Variants in COL21A1 observed in about 807,000 individuals in gnomAD.
The protein encoded by COL21A1 is collagen alpha-1(XXI) chain.
Under a neutral mutation model 137.9 loss-of-function variants are expected in COL21A1, and 149 were observed. The observed-to-expected ratio is 1.08, with a 90% CI of 0.95 to 1.24. The LOEUF is 1.24. Among genes scored for constraint, COL21A1 ranks in the 50% most tolerant of loss-of-function variants. COL21A1 has a pLI of 0.00. For missense variants in COL21A1, 1,167 were observed against 1,158.4 expected (o/e 1.01, Z -0.11); for synonymous variants, 456 against 391.5 (o/e 1.16, Z -1.95).
At chr6:56,172,641 A>G (rs1336817507) in intron 3 of COL21A1, among the ~76,000 whole-genome samples, 1 of 152,186 alleles carries the variant, frequency 6.6e-6, no homozygotes, top group Non-Finnish European at 1.5e-5. Context: ...ATATTATAAT[A>G]CTGTAACAGT....
At chr6:56,262,411 T>G (rs1332959865) in intron 1 of COL21A1, among the ~76,000 whole-genome samples, 1 of 152,094 alleles carries the variant, frequency 6.6e-6, no homozygotes, top group East Asian at 1.9e-4. Context: ...AATAAGCCAA[T>G]GACATGGTAT....
intron 10 of COL21A1, among the ~76,000 whole-genome samples, chr6:56,142,488 T>C (rs995355125): frequency 6.6e-6 from 1 of 152,200 alleles, no homozygotes; most frequent in Non-Finnish European, 1.5e-5. Flanking sequence ...GGTTATGACA[T>C]ATCCTCCATG....
At chr6:56,339,879 C>A (rs954400664) in intron 1 of COL21A1, among the ~76,000 whole-genome samples, 2 of 151,964 alleles carry the variant, frequency 1.3e-5, no homozygotes, top group Admixed American at 6.6e-5. Flanking sequence ...GGGAGAATAC[C>A]GGAAAAAATA....
At chr6:56,148,338 C>CAGACAGAGAGAGAG (rs1554145108) in intron 10 of COL21A1, among the ~76,000 whole-genome samples, 1 of 133,176 alleles carries the variant, frequency 7.5e-6, no homozygotes, top group East Asian at 2.2e-4. Flanking sequence ...AGACAAGAGA[C>CAGACAGAGAGAGAG]AGAGAGAGAG....
chr6:56,277,966 A>G (rs1395282258), intron 1 of COL21A1, among the ~76,000 whole-genome samples: 1 of 152,234 alleles, frequency 6.6e-6, no homozygotes, highest in African/African-American at 2.4e-5. Flanking sequence ...TTTGGTCAAC[A>G]TTAAAGACTC....
intron 1 of COL21A1, among the ~76,000 whole-genome samples, chr6:56,357,780 A>T (rs557940027): frequency 2.0e-4 from 31 of 152,304 alleles, no homozygotes; most frequent in Non-Finnish European, 3.7e-4. Flanking sequence ...TGACACCTCA[A>T]GAATGCTTCA....
chr6:56,311,050 A>C (rs2152339535), intron 1 of COL21A1, among the ~76,000 whole-genome samples: 1 of 152,342 alleles, frequency 6.6e-6, no homozygotes, highest in South Asian at 2.1e-4. Context: ...AGATATAACA[A>C]GTATTTAGCA....
At chr6:56,105,481 ATG>A (rs1330603669) in intron 16 of COL21A1, among the ~76,000 whole-genome samples, 4 of 152,168 alleles carry the variant, frequency 2.6e-5, no homozygotes, top group Admixed American at 2.6e-4. Context: ...TTTTGGCAAA[ATG>A]AGTATTTTTA....
At chr6:56,141,323 C>T (rs763928455) in intron 12 of COL21A1, among the ~76,000 whole-genome samples, 6 of 152,078 alleles carry the variant, frequency 3.9e-5, no homozygotes, top group Non-Finnish European at 8.8e-5. Flanking sequence ...TTTTGTTAAG[C>T]GAAATAAGTC....
At chr6:56,394,127 A>C (rs554370372), upstream of COL21A1, 1 of 152,518 alleles carries the variant, frequency 6.6e-6, no homozygotes, top group Non-Finnish European at 1.5e-5. Flanking sequence ...TGCAGCCACA[A>C]TGCAGGAGCT....
In COL21A1 at chr6:56,112,680, C is replaced by CTT. The variant is rs777172358; in HGVS notation, c.1759-11157_1759-11156dup. Reference sequence around the variant, plus strand: ...CACAGAAGAAGTTTTTTTTTCTTTTCTTTTTTCTTTTTTTTTTTTTTGAGA... The same window carrying CTT: ...CACAGAAGAAGTTTTTTTTTCTTTTCTTTTTTTTCTTTTTTTTTTTTTTGAGA... On this transcript the variant is annotated intron_variant, in intron 16 of 29. Transcript: ENST00000244728. 1.3e-3 allele frequency among the ~76,000 whole-genome samples: 169 copies of CTT among 129,626 alleles called. 5 individuals carry two copies. The highest frequency in any genetic ancestry group is 3.4e-3 in the African/African-American group (117 of 33,966). 85.0% of individuals were successfully genotyped at this position (129,626 alleles called of 152,430 possible).
chr6:56,373,023 A>G (rs1332953969), intron 1 of COL21A1, among the ~76,000 whole-genome samples: 1 of 152,196 alleles, frequency 6.6e-6, no homozygotes, highest in African/African-American at 2.4e-5. Flanking sequence ...ATAAAAAAAA[A>G]AAAGAAACTT....
chr6:56,119,678 C>T lies in COL21A1; in HGVS notation c.1758+4384G>A, dbSNP rs142827695. 2.4e-3 allele frequency among the ~76,000 whole-genome samples: 362 copies of T among 152,110 alleles called. 10 individuals carry two copies. In the East Asian group the frequency reaches 0.064, roughly 27 times the overall value. On this transcript the variant is annotated intron_variant, in intron 16 of 29. Coordinates refer to ENST00000244728, the MANE Select transcript of COL21A1 (RefSeq NM_030820.4). Reference sequence around the variant, plus strand: ...AATTATAGTACAGACCTATATTAACCAAAACAACATGGTACTGGCATACAA... The same window carrying T: ...AATTATAGTACAGACCTATATTAACTAAAACAACATGGTACTGGCATACAA...
At chr6:56,230,500 A>G (rs1483780532) in intron 1 of COL21A1, among the ~76,000 whole-genome samples, 3 of 151,862 alleles carry the variant, frequency 2.0e-5, no homozygotes, top group Non-Finnish European at 2.9e-5. Context: ...TACTTCTTAT[A>G]TTAATTCAAA....
chr6:56,164,466 G>A lies in COL21A1; in HGVS notation c.1328C>T (p.Pro443Leu), dbSNP rs200361985. The A allele has an allele frequency of 4.7e-4, 745 of 1,590,680 alleles. No homozygotes were observed. The highest frequency in any genetic ancestry group is 5.4e-4 in the Non-Finnish European group (626 of 1,167,548). The change falls in exon 9 of 30, where the codon CCC (proline) becomes CTC (leucine). Residue 443 changes from proline (P) to leucine (L), a missense_variant. Pro to Leu is a moderately conservative substitution (Grantham distance 98). Coordinates refer to ENST00000244728, the MANE Select transcript of COL21A1 (RefSeq NM_030820.4). ...TGGTTTTCCCGGAGGACAAATACAGGGAGCTGGAGTTGAACCTACATCACT... is the reference window on the plus strand; with the variant it reads ...TGGTTTTCCCGGAGGACAAATACAGAGAGCTGGAGTTGAACCTACATCACT... ...GPSDVGSTPA[P>L]CICPPGKPGL...
At chr6:56,202,941 G>A (rs1205085969) in intron 1 of COL21A1, among the ~76,000 whole-genome samples, 1 of 152,122 alleles carries the variant, frequency 6.6e-6, no homozygotes, top group African/African-American at 2.4e-5. Context: ...CTGAAAACAG[G>A]CCACAGGATT....
chr6:56,355,600 A>T (rs1765811341), intron 1 of COL21A1, among the ~76,000 whole-genome samples: 1 of 152,212 alleles, frequency 6.6e-6, no homozygotes, highest in African/African-American at 2.4e-5. Context: ...ATTTCACGTT[A>T]TTAAGGAAAT....
chr6:56,280,412 G>C (rs9382604), intron 1 of COL21A1, among the ~76,000 whole-genome samples: 36,562 of 152,002 alleles, frequency 0.24, 5,736 homozygotes, highest in East Asian at 0.67. Context: ...ACTGAATGCA[G>C]CTCAGTGTAA....
chr6:56,285,720 A>G (rs954174605), intron 1 of COL21A1, among the ~76,000 whole-genome samples: 1 of 152,060 alleles, frequency 6.6e-6, no homozygotes, highest in Admixed American at 6.6e-5. Context: ...CCTTATCTCT[A>G]TGGAGCAAAT....
Sources: gnomAD v4.1 joint callset for allele counts (sites outside exome capture counted in the v4.1 genomes callset) on GRCh38, gnomAD v4.1.1 for gene constraint, MANE v1.5 for transcripts, NCBI Gene and HGNC (gene_info 2026-07-23, HGNC 2026-07-21) for gene names.